Variants in DSCAM observed in about 807,000 individuals in gnomAD.
The protein encoded by DSCAM is DS cell adhesion molecule, also known as cell adhesion molecule DSCAM.
Under a neutral mutation model 217.7 loss-of-function variants are expected in DSCAM, and 47 were observed. The observed-to-expected ratio is 0.22, with a 90% CI of 0.17 to 0.28. DSCAM has a LOEUF of 0.28. Among genes scored for constraint, DSCAM ranks in the 10% least tolerant of loss-of-function variants. DSCAM has a pLI of 1.00. For synonymous variants in DSCAM, 1,056 were observed against 1,015.3 expected (o/e 1.04, Z -0.76); for missense variants, 2,080 against 2,618.3 (o/e 0.79, Z 4.49).
chr21:40,300,758 T>G (rs771760071), intron 9 of DSCAM, among the ~76,000 whole-genome samples: 7 of 152,212 alleles, frequency 4.6e-5, no homozygotes, highest in Admixed American at 3.3e-4. Context: ...CAGAATCACC[T>G]GAAGAGCTGA....
rs766226952 is a variant in DSCAM, at chr21:40,144,668, T to C, written c.3082A>G (p.Ser1028Gly). 6.2e-7 allele frequency: 1 copy of C among 1,614,196 alleles called. No homozygotes were observed. The highest frequency in any genetic ancestry group is 1.1e-5 in the South Asian group (1 of 91,074). Reference sequence around the variant, plus strand: ...TTGAATTGGAAGTTACCCCCAGTGCTGTACTCTCGGTAACCTATTTGGTAG... The same window carrying C: ...TTGAATTGGAAGTTACCCCCAGTGCCGTACTCTCGGTAACCTATTTGGTAG... ...RGYQIGYREY[S>G]TGGNFQFNII... The change falls in exon 17 of 33, where the codon AGC becomes GGC. Residue 1028 changes from serine (S) to glycine (G), a missense_variant. This residue lies in a region of DSCAM where 1,144 missense variants were observed against 1,421.1 expected (regional missense o/e 0.81). Coordinates refer to ENST00000400454, the MANE Select transcript of DSCAM (RefSeq NM_001389.5). The surrounding 1 kb of genome is among the most constrained non-coding windows in gnomAD (Gnocchi z 4.8).
intron 3 of DSCAM, among the ~76,000 whole-genome samples, chr21:40,373,278 T>C (rs973075647): frequency 1.3e-5 from 2 of 151,894 alleles, no homozygotes; most frequent in African/African-American, 2.4e-5. Context: ...CACATCAGAG[T>C]TGATTCTAGA....
At chr21:40,747,911 T>G (rs573603748) in intron 1 of DSCAM, among the ~76,000 whole-genome samples, 30 of 152,098 alleles carry the variant, frequency 2.0e-4, no homozygotes, top group Admixed American at 7.9e-4. Flanking sequence ...GCAAGAATGA[T>G]TCAACATACA....
chr21:40,689,960 C>T lies in DSCAM; in HGVS notation c.508+2850G>A, dbSNP rs55814365. On this transcript the variant is annotated intron_variant, in intron 3 of 32. Transcript: ENST00000400454. Reference sequence around the variant, plus strand: ...GAATCCCAGTGCTTCCCTGGAGTGGCTCAGCCCCAGCCAGTGTGGAGGGAG... The same window carrying T: ...GAATCCCAGTGCTTCCCTGGAGTGGTTCAGCCCCAGCCAGTGTGGAGGGAG... Among the ~76,000 whole-genome samples, 2 of 152,176 alleles carry T rather than the reference C, an allele frequency of 1.3e-5. 1 individual carries two copies. Among genetic ancestry groups the T allele is most frequent in the South Asian group, 4.1e-4 (2 of 4,832 alleles).
chr21:40,490,534 G>A (rs2076068218), intron 3 of DSCAM, among the ~76,000 whole-genome samples: 1 of 152,136 alleles, frequency 6.6e-6, no homozygotes, highest in Non-Finnish European at 1.5e-5. Context: ...GAGGAAGGAG[G>A]TTAGGGTTGG....
intron 11 of DSCAM, among the ~76,000 whole-genome samples, chr21:40,246,487 G>A (rs1378480459): frequency 6.6e-6 from 1 of 150,422 alleles, no homozygotes; most frequent in Non-Finnish European, 1.5e-5. Flanking sequence ...GCTGCACTGA[G>A]CTGAGATCTC....
chr21:40,576,455 C>T (rs943142517), intron 3 of DSCAM, among the ~76,000 whole-genome samples: 20 of 152,156 alleles, frequency 1.3e-4, no homozygotes, highest in African/African-American at 4.8e-4. Flanking sequence ...GGACAGTTAA[C>T]TGAATGTTCT....
At chr21:40,179,946 G>C (rs906650543) in intron 14 of DSCAM, among the ~76,000 whole-genome samples, 1 of 152,220 alleles carries the variant, frequency 6.6e-6, no homozygotes, top group African/African-American at 2.4e-5. Context: ...CAAGACAGTA[G>C]ACAGAGATGG....
chr21:40,101,991 A>C (rs2089758051), intron 20 of DSCAM, among the ~76,000 whole-genome samples: 1 of 152,092 alleles, frequency 6.6e-6, no homozygotes, highest in Admixed American at 6.6e-5. Flanking sequence ...ATAATTACTG[A>C]GTTTCAATTA....
intron 6 of DSCAM, among the ~76,000 whole-genome samples, chr21:40,342,626 G>GTGTGTGTATATATATATATA (rs1491362590): frequency 4.2e-5 from 4 of 94,694 alleles, no homozygotes; most frequent in African/African-American, 5.0e-5. Flanking sequence ...GTGTGTGTGT[G>GTGTGTGTATATATATATATA]TATATATATA....
rs975152556 is a variant in DSCAM at position 40,846,777 on chromosome 21, C to G, written c.-116G>C. 2 of 333,014 alleles carry G rather than the reference C, an allele frequency of 6.0e-6. No individual in the cohort carries two copies. The highest frequency in any genetic ancestry group is 4.6e-5 in the African/African-American group (2 of 43,764). The allele number at this position is 333,014 out of a possible 1,614,324, so 20.6% of individuals were successfully genotyped here. ...TGCCCGGGGGCCGCCGCCCGCCCGC[C>G]GCCCGCCGCCGCCGCCGCCGCTGCC... On this transcript the variant is annotated 5_prime_UTR_variant, in exon 1 of 33. Coordinates refer to ENST00000400454, the MANE Select transcript of DSCAM (RefSeq NM_001389.5).
chr21:40,070,880 T>G (rs2837422), intron 27 of DSCAM, among the ~76,000 whole-genome samples: 1 of 152,128 alleles, frequency 6.6e-6, no homozygotes, highest in Admixed American at 6.5e-5. Context: ...TGATCAGTTT[T>G]GTAACAATCC....
At chr21:40,072,911 G>A (rs2089316786) in intron 27 of DSCAM, among the ~76,000 whole-genome samples, 1 of 152,160 alleles carries the variant, frequency 6.6e-6, no homozygotes, top group South Asian at 2.1e-4. Flanking sequence ...ATAGACTGCT[G>A]TCTTTACCAA....
chr21:40,246,272 T>G (rs2073222473), intron 11 of DSCAM, among the ~76,000 whole-genome samples: 1 of 141,444 alleles, frequency 7.1e-6, no homozygotes, highest in African/African-American at 2.7e-5. Context: ...ATCCCAGCAC[T>G]TTGGGAAGCC....
chr21:40,656,513 G>A (rs1234766521), intron 3 of DSCAM, among the ~76,000 whole-genome samples: 2 of 144,672 alleles, frequency 1.4e-5, no homozygotes, highest in East Asian at 2.1e-4. Flanking sequence ...ACTAGAAGAT[G>A]CTTCAATAGA....
At position 40,131,498 on chromosome 21, in the gene DSCAM, T is replaced by A. The variant is rs138476082; in HGVS notation, c.3562+2356A>T. Among the ~76,000 whole-genome samples the A allele has an allele frequency of 1.7e-4, 26 of 152,294 alleles. No individual in the cohort carries two copies. The East Asian group carries it at 5.0e-3, about 29-fold the overall frequency. On this transcript the variant is annotated intron_variant, in intron 19 of 32. Coordinates refer to ENST00000400454, the MANE Select transcript of DSCAM (RefSeq NM_001389.5). The stretch of plus-strand genomic sequence containing the variant: ...TGGAGTGCAGTTGCACGATCTCAGC[T>A]CACTGCAGCCTCTGCCACCTGGGTT...
At chr21:40,279,042 T>C (rs1363990366) in intron 10 of DSCAM, among the ~76,000 whole-genome samples, 1 of 152,236 alleles carries the variant, frequency 6.6e-6, no homozygotes, top group African/African-American at 2.4e-5. Context: ...TTATTACATA[T>C]CTAAAATATG....
intron 8 of DSCAM, among the ~76,000 whole-genome samples, chr21:40,326,106 A>C (rs552458860): frequency 1.3e-5 from 2 of 152,334 alleles, no homozygotes; most frequent in South Asian, 4.1e-4. Context: ...TGTGCCTATG[A>C]GACAGGGACA....
intron 3 of DSCAM, among the ~76,000 whole-genome samples, chr21:40,652,532 T>C (rs1485716374): frequency 6.6e-6 from 1 of 152,060 alleles, no homozygotes; most frequent in African/African-American, 2.4e-5. Context: ...AGAGAAGCCC[T>C]GAGTCAAGGA....
Sources: gnomAD v4.1 joint callset for allele counts (sites outside exome capture counted in the v4.1 genomes callset) on GRCh38, gnomAD v4.1.1 for gene constraint, gnomAD v4.1.1 regional missense constraint, Gnocchi (gnomAD v3.1) non-coding constraint, MANE v1.5 for transcripts, NCBI Gene and HGNC (gene_info 2026-07-23, HGNC 2026-07-21) for gene names.